CCDC198: variants seen among roughly 807,000 people sequenced by gnomAD.
CCDC198 encodes the protein factor associated with metabolism and energy.
Under a neutral mutation model 35.6 loss-of-function variants are expected in CCDC198, and 18 were observed. The observed-to-expected ratio is 0.51, with a 90% confidence interval of 0.35 to 0.75. The LOEUF (loss-of-function observed/expected upper bound fraction) is 0.75. CCDC198 is among the 30% of genes least tolerant of loss of function. The pLI, the probability that CCDC198 is intolerant of heterozygous loss-of-function variation, is 0.01. For missense variants in CCDC198, 365 were observed against 343.7 expected (o/e 1.06, Z -0.49); for synonymous variants, 119 against 113.4 (o/e 1.05, Z -0.31).
At chr14:57,480,208 C>T (rs907286506) in intron 5 of CCDC198, 2 of 910,356 alleles carry the variant, frequency 2.2e-6, no homozygotes, top group African/African-American at 3.6e-5. Flanking sequence ...TAAGTGTCTG[C>T]ATATGGTACC....
chr14:57,473,440 A>G (rs1456642405), intron 5 of CCDC198, among the ~76,000 whole-genome samples: 1 of 152,096 alleles, frequency 6.6e-6, no homozygotes, highest in Non-Finnish European at 1.5e-5. Context: ...ACTTTACCCC[A>G]TTGTCTGCCT....
At chr14:57,487,438 G>C (rs190606658) in intron 2 of CCDC198, among the ~76,000 whole-genome samples, 31 of 152,224 alleles carry the variant, frequency 2.0e-4, no homozygotes, top group Middle Eastern at 3.4e-3. Flanking sequence ...AGATGAGGGA[G>C]TTATCCAAGG....
intron 2 of CCDC198, among the ~76,000 whole-genome samples, chr14:57,483,641 G>A (rs2067260976): frequency 6.6e-6 from 1 of 152,214 alleles, no homozygotes; most frequent in East Asian, 1.9e-4. Flanking sequence ...TGAAACTGCA[G>A]TGTGCTAACA....
At chr14:57,484,885 G>A (rs558539236) in intron 2 of CCDC198, among the ~76,000 whole-genome samples, 1 of 152,194 alleles carries the variant, frequency 6.6e-6, no homozygotes, top group African/African-American at 2.4e-5. Flanking sequence ...GAATAATTAT[G>A]GATGTGGAGA....
chr14:57,485,835 G>A (rs543591613), intron 2 of CCDC198, among the ~76,000 whole-genome samples: 1 of 152,322 alleles, frequency 6.6e-6, no homozygotes, highest in East Asian at 1.9e-4. Flanking sequence ...TTTGTGGTGG[G>A]AAGTGGTTCT....
At chr14:57,476,233 C>T (rs182094046) in intron 5 of CCDC198, among the ~76,000 whole-genome samples, 1 of 152,254 alleles carries the variant, frequency 6.6e-6, no homozygotes. Context: ...GGTTAAATAA[C>T]TAGAATTTAG....
At chr14:57,480,078 G>C (rs1176769941) in intron 5 of CCDC198, among the ~76,000 whole-genome samples, 1 of 152,190 alleles carries the variant, frequency 6.6e-6, no homozygotes, top group East Asian at 1.9e-4. Context: ...TGGAGGCCTG[G>C]TTCACTGAGC....
intron 5 of CCDC198, chr14:57,475,228 T>C: frequency 1.9e-6 from 1 of 528,564 alleles, no homozygotes; most frequent in Non-Finnish European, 2.4e-6. Context: ...GCCACTGCAC[T>C]CCAGCCTGGG....
intron 5 of CCDC198, chr14:57,475,436 C>A (rs2066950994): frequency 8.1e-7 from 1 of 1,228,060 alleles, no homozygotes; most frequent in African/African-American, 1.6e-5. Flanking sequence ...ACTGTTTTCA[C>A]TATAAGACAT....
intron 2 of CCDC198, among the ~76,000 whole-genome samples, chr14:57,490,294 T>A (rs1159304496): frequency 2.6e-5 from 4 of 152,188 alleles, no homozygotes; most frequent in Admixed American, 2.6e-4. Flanking sequence ...GGTTGAGAGT[T>A]CTTAAAATGT....
chr14:57,488,731 C>T (rs1209133484), intron 2 of CCDC198, among the ~76,000 whole-genome samples: 1 of 152,132 alleles, frequency 6.6e-6, no homozygotes, highest in Non-Finnish European at 1.5e-5. Flanking sequence ...TGAACAGACA[C>T]TTCTCAAAAG....
intron 5 of CCDC198, among the ~76,000 whole-genome samples, chr14:57,479,727 C>G (rs2067119183): frequency 6.6e-6 from 1 of 152,128 alleles, no homozygotes; most frequent in Middle Eastern, 3.2e-3. Context: ...ATCACAATAA[C>G]CTGGAGGGGT....
Position 57,491,055 on chromosome 14 carries a change from A to G in CCDC198, c.240T>C (p.Tyr80=), listed in dbSNP as rs757475234. ...GRYSTASRDM[Y]FDIPLEHRET... is the part of the protein sequence containing the mutation. ...CTCTGTGTTCCAGTGGGATGTCAAA[A>G]TACATGTCTCTGGATGCTTGAAGGA... Residue 80 remains tyrosine, a synonymous_variant, in exon 2 of 6, where the codon TAT becomes TAC. Transcript: ENST00000216445. 1.2e-6 allele frequency: 2 copies of G among 1,611,438 alleles called. No individual in the cohort carries two copies. Among genetic ancestry groups the G allele is most frequent in the African/African-American group, 2.7e-5 (2 of 74,844 alleles).
chr14:57,480,599 A>G lies in CCDC198; in HGVS notation c.651T>C (p.Gly217=), dbSNP rs756929074. 6.2e-7 allele frequency: 1 copy of G among 1,613,404 alleles called. No homozygotes were observed. The highest frequency in any genetic ancestry group is 1.7e-5 in the Admixed American group (1 of 59,888). ...AAAAAATTGTACATGACTCACCGGGACCTCTGTTCAAGATTTCATCAGGCA... is the reference window on the plus strand; with the variant it reads ...AAAAAATTGTACATGACTCACCGGGGCCTCTGTTCAAGATTTCATCAGGCA... ...TMLPDEILNR[G]PGNSKNTEFL... is the part of the protein sequence containing the mutation. The change falls in exon 5 of 6, where the codon GGT becomes GGC. Residue 217 remains glycine, a synonymous_variant. Coordinates refer to ENST00000216445, the MANE Select transcript of CCDC198 (RefSeq NM_018168.4).
At chr14:57,490,415 C>G (rs1172104242) in intron 2 of CCDC198, among the ~76,000 whole-genome samples, 1 of 152,106 alleles carries the variant, frequency 6.6e-6, no homozygotes, top group Non-Finnish European at 1.5e-5. Context: ...CAGTTAACAT[C>G]TAGAACAATA....
rs1387462622 is a variant in CCDC198, at chr14:57,470,587, C to T, written c.*768G>A. On this transcript the variant is annotated 3_prime_UTR_variant, in exon 6 of 6. Transcript: ENST00000216445. ...TCCTGACCTCAAGTGATCTGCCCACCTCGGCCTCCCAAAGTGCTGGGATTA... is the reference window on the plus strand; with the variant it reads ...TCCTGACCTCAAGTGATCTGCCCACTTCGGCCTCCCAAAGTGCTGGGATTA... The T allele has an allele frequency of 6.6e-6, 1 of 152,258 alleles. No homozygotes were observed. The highest frequency in any genetic ancestry group is 1.5e-5 in the Non-Finnish European group (1 of 68,076). The allele number at this position is 152,258 out of a possible 1,614,324, so 9.4% of individuals were successfully genotyped here.
intron 2 of CCDC198, among the ~76,000 whole-genome samples, chr14:57,490,075 G>A (rs957300540): frequency 1.3e-5 from 2 of 152,072 alleles, no homozygotes; most frequent in African/African-American, 4.8e-5. Flanking sequence ...CAGAAGACAG[G>A]TAAATAAAAA....
Position 57,471,389 on chromosome 14 carries a change from A to G in CCDC198, c.857T>C (p.Ile286Thr). Residue 286 changes from isoleucine to threonine, a missense_variant, in exon 6 of 6, where the codon ATC becomes ACC. By Grantham distance (89) the Ile-to-Thr change is moderately conservative. Transcript: ENST00000216445. ...ATCAAAAAACTCATCGAAAAGTGGGATTCTCTCTGTCCTGGTCCTCACCAG... is the reference window on the plus strand; with the variant it reads ...ATCAAAAAACTCATCGAAAAGTGGGGTTCTCTCTGTCCTGGTCCTCACCAG... Reference protein sequence around the residue: ...RALVRTRTERIPLFDEFFDQE With the variant: ...RALVRTRTERTPLFDEFFDQE The G allele has an allele frequency of 6.2e-7, 1 of 1,613,360 alleles. No individual in the cohort carries two copies. Among genetic ancestry groups the G allele is most frequent in the Non-Finnish European group, 8.5e-7 (1 of 1,179,784 alleles).
chr14:57,492,502 C>A (rs2067607452), intron 1 of CCDC198, among the ~76,000 whole-genome samples: 1 of 152,000 alleles, frequency 6.6e-6, no homozygotes, highest in Admixed American at 6.6e-5. Flanking sequence ...TGTCTATCAC[C>A]TATCCCTCTA....
Sources: gnomAD v4.1 joint callset for allele counts (sites outside exome capture counted in the v4.1 genomes callset) on GRCh38, gnomAD v4.1.1 for gene constraint, MANE v1.5 for transcripts, NCBI Gene and HGNC (gene_info 2026-07-23, HGNC 2026-07-21) for gene names.